Variants in HPSE2 observed in about 807,000 individuals in gnomAD.
HPSE2 encodes the protein heparanase 2 (inactive).
A neutral mutation model predicts 60.5 loss-of-function variants in HPSE2; 38 were observed. That is an observed-to-expected ratio of 0.63 (90% CI 0.48 to 0.82). The LOEUF is 0.82. HPSE2 is among the 40% of genes least tolerant of loss of function. The pLI is 0.00. For missense variants in HPSE2, 713 were observed against 740.4 expected (o/e 0.96, Z 0.43); for synonymous variants, 295 against 293.2 (o/e 1.01, Z -0.06).
chr10:99,295,679 T>G, the HPSE2 span, among the ~76,000 whole-genome samples: 1 of 152,328 alleles, frequency 6.6e-6, no homozygotes, highest in Non-Finnish European at 1.5e-5. Context: ...TTTCAAAAAC[T>G]TATTTACGAA....
chr10:98,906,158 C>T (rs1198171331), intron 3 of HPSE2, among the ~76,000 whole-genome samples: 1 of 152,196 alleles, frequency 6.6e-6, no homozygotes, highest in Non-Finnish European at 1.5e-5. Context: ...GTTTAGGAGG[C>T]ATCACAGACC....
At chr10:98,796,735 T>C (rs999315877) in intron 3 of HPSE2, among the ~76,000 whole-genome samples, 2 of 152,208 alleles carry the variant, frequency 1.3e-5, no homozygotes, top group Non-Finnish European at 2.9e-5. Flanking sequence ...AGTGCTGGGA[T>C]AGCATCAGAT....
intron 9 of HPSE2, among the ~76,000 whole-genome samples, chr10:98,574,718 G>A (rs1944595930): frequency 6.6e-6 from 1 of 152,102 alleles, no homozygotes; most frequent in African/African-American, 2.4e-5. Flanking sequence ...TCAACCACAG[G>A]ACAACCTCAG....
chr10:98,936,978 CAAAAAAAAAAAAAA>C (rs1214450704), intron 3 of HPSE2, among the ~76,000 whole-genome samples: 5 of 31,004 alleles, frequency 1.6e-4, no homozygotes, highest in Non-Finnish European at 3.0e-4. Flanking sequence ...GACTCCATCT[CAAAAAAAAAAAAAA>C]AAAAAAAAAA....
the HPSE2 span, among the ~76,000 whole-genome samples, chr10:99,244,415 ATT>A: frequency 7.0e-6 from 1 of 142,682 alleles, no homozygotes; most frequent in Middle Eastern, 3.7e-3. Flanking sequence ...TATTATTATT[ATT>A]ATTATTTGAG....
chr10:98,933,893 G>T (rs113781212), intron 3 of HPSE2, among the ~76,000 whole-genome samples: 2 of 140,618 alleles, frequency 1.4e-5, no homozygotes, highest in Non-Finnish European at 3.0e-5. Context: ...CACCACACCC[G>T]GCTAATGTTT....
At chr10:98,575,603 T>TAG (rs1008222276) in intron 9 of HPSE2, among the ~76,000 whole-genome samples, 13 of 152,234 alleles carry the variant, frequency 8.5e-5, no homozygotes, top group Non-Finnish European at 1.9e-4. Context: ...CCTTATAATG[T>TAG]AGATGCTATC....
intron 3 of HPSE2, among the ~76,000 whole-genome samples, chr10:99,056,278 T>C (rs1312278153): frequency 2.0e-5 from 3 of 151,990 alleles, no homozygotes; most frequent in Non-Finnish European, 2.9e-5. Flanking sequence ...GATCTGAATA[T>C]TCCCATACAT....
At chr10:99,197,188 T>C (rs530406177) in intron 2 of HPSE2, among the ~76,000 whole-genome samples, 2 of 152,038 alleles carry the variant, frequency 1.3e-5, no homozygotes, top group East Asian at 1.9e-4. Context: ...ATTAAACTCA[T>C]GGACATAGTA....
At chr10:98,564,242 G>C (rs975121037) in intron 9 of HPSE2, among the ~76,000 whole-genome samples, 1 of 152,148 alleles carries the variant, frequency 6.6e-6, no homozygotes, top group Non-Finnish European at 1.5e-5. Flanking sequence ...TGAGAGCGTA[G>C]GCTCTAGATC....
intron 9 of HPSE2, among the ~76,000 whole-genome samples, chr10:98,514,337 A>G (rs960076463): frequency 3.3e-5 from 5 of 152,166 alleles, no homozygotes; most frequent in Admixed American, 1.3e-4. Context: ...AAAATTTTGG[A>G]AATAGCTAGT....
chr10:98,492,729 TA>T (rs1941700324), intron 9 of HPSE2, among the ~76,000 whole-genome samples: 1 of 152,188 alleles, frequency 6.6e-6, no homozygotes, highest in Non-Finnish European at 1.5e-5. Context: ...GGTAAAACTC[TA>T]AAGATGTTTG....
intron 3 of HPSE2, among the ~76,000 whole-genome samples, chr10:98,923,476 A>G (rs1055804445): frequency 1.3e-5 from 2 of 152,054 alleles, no homozygotes; most frequent in African/African-American, 4.8e-5. Flanking sequence ...CTTTGAATAA[A>G]CTTTCTATCC....
intron 5 of HPSE2, among the ~76,000 whole-genome samples, chr10:98,712,746 G>GA (rs1948705204): frequency 6.6e-6 from 1 of 152,074 alleles, no homozygotes; most frequent in East Asian, 1.9e-4. Flanking sequence ...GATAGGAGCA[G>GA]AAAACTGTCT....
intron 2 of HPSE2, among the ~76,000 whole-genome samples, chr10:99,209,000 A>G (rs7083024): frequency 0.037 from 5,609 of 152,296 alleles, 314 homozygotes; most frequent in African/African-American, 0.11. Flanking sequence ...TAAATATATA[A>G]AGCAAAAATT....
At chr10:98,771,260 A>G (rs763760381) in intron 3 of HPSE2, among the ~76,000 whole-genome samples, 2 of 152,192 alleles carry the variant, frequency 1.3e-5, no homozygotes, top group African/African-American at 2.4e-5. Flanking sequence ...TGAATACTCA[A>G]TCAATTAAGC....
chr10:98,821,160 T>C (rs1350830336), intron 3 of HPSE2, among the ~76,000 whole-genome samples: 2 of 152,206 alleles, frequency 1.3e-5, no homozygotes, highest in African/African-American at 4.8e-5. Flanking sequence ...TTGTGCTAGA[T>C]ATACTATAAC....
In HPSE2 at chr10:98,972,504, C is replaced by T. The variant is rs78247823; in HGVS notation, c.610+171734G>A. ...ATTCACTTACTTTTTCTTCTATTAA[C>T]TTTATAGACTTATTTTTCACATATA... On this transcript the variant is annotated intron_variant, in intron 3 of 11. Transcript: ENST00000370552. 5.8e-3 allele frequency among the ~76,000 whole-genome samples: 880 copies of T among 152,186 alleles called. 4 individuals are homozygous for T. The highest frequency in any genetic ancestry group is 9.6e-3 in the Non-Finnish European group (655 of 67,984).
At chr10:99,177,604 G>A (rs1847579543) in intron 2 of HPSE2, among the ~76,000 whole-genome samples, 2 of 152,082 alleles carry the variant, frequency 1.3e-5, no homozygotes, top group African/African-American at 4.8e-5. Context: ...CAATACAGGA[G>A]CACCCAGATT....
Sources: allele counts gnomAD v4.1 joint callset (sites outside exome capture counted in the v4.1 genomes callset), GRCh38; gene constraint gnomAD v4.1.1; transcripts MANE v1.5; gene names NCBI Gene and HGNC (gene_info 2026-07-23, HGNC 2026-07-21).